ENPEP: variants seen among roughly 807,000 people sequenced by gnomAD.
ENPEP encodes glutamyl aminopeptidase.
ENPEP carries 103 observed loss-of-function variants against 114.5 expected under a neutral mutation model. The ratio of observed to expected loss-of-function variants is 0.90; its 90% CI spans 0.77 to 1.06. ENPEP has a LOEUF of 1.06. Ranked by LOEUF, ENPEP falls within the 50% of genes least tolerant of loss-of-function variation. The pLI is 0.00. For synonymous variants in ENPEP, 420 were observed against 422.0 expected (o/e 1.00, Z 0.06); for missense variants, 1,196 against 1,161.3 (o/e 1.03, Z -0.43).
At position 110,491,083 on chromosome 4, in the gene ENPEP, T is replaced by C. The variant is rs1387999815; in HGVS notation, c.837T>C (p.Ser279=). The change falls in exon 3 of 20, where the codon TCT becomes TCC. Residue 279 remains serine (S), a synonymous_variant. Transcript: ENST00000265162. ...DKWTRTTFEK[S]VPMSTYLVCF... is the part of the protein sequence containing the mutation. ...GGACTCGAACAACTTTTGAGAAGTC[T>C]GTCCCCATGAGCACGTACCTGGTGT... is the stretch of plus-strand genomic sequence containing the variant. 1.8e-5 allele frequency: 29 copies of C among 1,612,686 alleles called. No individual in the cohort carries two copies. Among genetic ancestry groups the C allele is most frequent in the Non-Finnish European group, 4.2e-6 (5 of 1,179,936 alleles).
At chr4:110,498,216 C>T (rs1725016383) in intron 3 of ENPEP, among the ~76,000 whole-genome samples, 1 of 152,028 alleles carries the variant, frequency 6.6e-6, no homozygotes, top group Admixed American at 6.6e-5. Context: ...CCTGTGCCAC[C>T]CAAGTGTGTT....
At chr4:110,507,756 G>A (rs533057196) in intron 4 of ENPEP, among the ~76,000 whole-genome samples, 1 of 152,266 alleles carries the variant, frequency 6.6e-6, no homozygotes, top group East Asian at 1.9e-4. Context: ...CGGGCGGATC[G>A]CTTGAGCCCA....
At chr4:110,560,365 A>T (rs1727637209) in intron 19 of ENPEP, among the ~76,000 whole-genome samples, 1 of 152,242 alleles carries the variant, frequency 6.6e-6, no homozygotes. Flanking sequence ...TCTCAATTCA[A>T]ATCACAGAAG....
At chr4:110,522,716 A>G (rs549333453) in intron 10 of ENPEP, among the ~76,000 whole-genome samples, 1 of 152,360 alleles carries the variant, frequency 6.6e-6, no homozygotes, top group African/African-American at 2.4e-5. Context: ...GAAGCGAATG[A>G]GGCAATGCTT....
intron 11 of ENPEP, among the ~76,000 whole-genome samples, chr4:110,540,001 A>G (rs995169165): frequency 6.6e-6 from 1 of 152,128 alleles, no homozygotes; most frequent in African/African-American, 2.4e-5. Context: ...GCTTTTCTCT[A>G]TCATCTAGGC....
rs1027531987 is a variant in ENPEP at position 110,487,952 on chromosome 4, G to T, written c.645-589G>T. Among the ~76,000 whole-genome samples the T allele has an allele frequency of 1.1e-4, 16 of 152,208 alleles. 1 individual carries two copies. Among genetic ancestry groups the T allele is most frequent in the East Asian group, 3.9e-4 (2 of 5,182 alleles). ...GAGTGAGCTTTAAACTAGGACAAAGGTTACTTCACCTAGGAGATTACTCAG... is the reference window on the plus strand; with the variant it reads ...GAGTGAGCTTTAAACTAGGACAAAGTTTACTTCACCTAGGAGATTACTCAG... On this transcript the variant is annotated intron_variant, in intron 1 of 19. Coordinates refer to ENST00000265162, the MANE Select transcript of ENPEP (RefSeq NM_001977.4).
intron 18 of ENPEP, among the ~76,000 whole-genome samples, chr4:110,557,260 G>C (rs1254438668): frequency 6.6e-6 from 1 of 152,132 alleles, no homozygotes; most frequent in Non-Finnish European, 1.5e-5. Context: ...GATGACTTAC[G>C]GATGATCACA....
chr4:110,537,504 C>A (rs1726681928), intron 11 of ENPEP, among the ~76,000 whole-genome samples: 1 of 152,196 alleles, frequency 6.6e-6, no homozygotes, highest in African/African-American at 2.4e-5. Context: ...ACTTCTAATT[C>A]TAGCTCTCTT....
In ENPEP at chr4:110,506,626, T is replaced by C. The variant is rs1725381633; in HGVS notation, c.919-11T>C. 1.3e-5 allele frequency: 20 copies of C among 1,579,710 alleles called. No individual in the cohort carries two copies. Among genetic ancestry groups the C allele is most frequent in the Non-Finnish European group, 1.7e-5 (20 of 1,165,612 alleles). On this transcript the variant is annotated splice_polypyrimidine_tract_variant and intron_variant, in intron 3 of 19. Coordinates refer to ENST00000265162, the MANE Select transcript of ENPEP (RefSeq NM_001977.4). ...TAATTTTCACTGAATTTTTTGTGTTTTGTTTAATAGCTTACAATTTATGTC... is the reference window on the plus strand; with the variant it reads ...TAATTTTCACTGAATTTTTTGTGTTCTGTTTAATAGCTTACAATTTATGTC...
At chr4:110,515,278 C>A in intron 7 of ENPEP, 99 bp from the exon 8 acceptor site, 2 of 1,000,476 alleles carry the variant, frequency 2.0e-6, no homozygotes. Context: ...ACTAATCTCA[C>A]AAATATGATC....
intron 3 of ENPEP, among the ~76,000 whole-genome samples, chr4:110,493,358 G>A (rs990725319): frequency 6.6e-6 from 1 of 152,108 alleles, no homozygotes; most frequent in Non-Finnish European, 1.5e-5. Flanking sequence ...TTAAATAAGT[G>A]ATGCATTCCA....
chr4:110,476,666 G>C lies in ENPEP; in HGVS notation c.252G>C (p.Glu84Asp). 5 of 1,613,920 alleles carry C rather than the reference G, an allele frequency of 3.1e-6. No individual in the cohort carries two copies. Among genetic ancestry groups the C allele is most frequent in the Non-Finnish European group, 4.2e-6 (5 of 1,180,030 alleles). ...ACATCTGCCCGGCCAGTGAGGATGAGAGCGGACAGTGGAAAAACTTTCGAC... is the reference window on the plus strand; with the variant it reads ...ACATCTGCCCGGCCAGTGAGGATGACAGCGGACAGTGGAAAAACTTTCGAC... ...DQDICPASED[E>D]SGQWKNFRLP... Residue 84 changes from glutamate to aspartate, a missense_variant, in exon 1 of 20, where the codon GAG (glutamate) becomes GAC (aspartate). Coordinates refer to ENST00000265162, the MANE Select transcript of ENPEP (RefSeq NM_001977.4).
chr4:110,532,939 G>A (rs1393673331), intron 11 of ENPEP: 3 of 238,242 alleles, frequency 1.3e-5, no homozygotes, highest in African/African-American at 2.2e-5. Context: ...CAGAGGAAAA[G>A]GGAGAAGACA....
intron 15 of ENPEP, 38 bp downstream of exon 15, chr4:110,549,457 ATTTG>A: frequency 6.2e-7 from 1 of 1,612,394 alleles, no homozygotes; most frequent in South Asian, 1.1e-5. Context: ...TTCATTTAAC[ATTTG>A]TTTTTTGTTT....
intron 11 of ENPEP, among the ~76,000 whole-genome samples, chr4:110,537,085 T>C (rs1053519888): frequency 1.3e-5 from 2 of 152,202 alleles, no homozygotes; most frequent in Admixed American, 6.5e-5. Flanking sequence ...GTTGTAATCT[T>C]TTTTACTGAT....
chr4:110,543,015 A>G lies in ENPEP; in HGVS notation c.1945A>G (p.Thr649Ala). 4.3e-6 allele frequency: 7 copies of G among 1,613,100 alleles called. No individual in the cohort carries two copies. The highest frequency in any genetic ancestry group is 5.9e-6 in the Non-Finnish European group (7 of 1,179,334). The part of the protein sequence containing the change: ...IATALSLNHK[T>A]FSSADRASLI... ...TATCTCTCTTTCTCCCTCTTCCCAG[A>G]CATTTTCTTCAGCAGATCGTGCAAG... The change falls in exon 13 of 20, where the codon ACA becomes GCA. Residue 649 changes from threonine (T) to alanine (A), a missense_variant and splice_region_variant. Coordinates refer to ENST00000265162, the MANE Select transcript of ENPEP (RefSeq NM_001977.4).
At chr4:110,502,314 G>A (rs1409599059) in intron 3 of ENPEP, among the ~76,000 whole-genome samples, 1 of 152,128 alleles carries the variant, frequency 6.6e-6, no homozygotes, top group Non-Finnish European at 1.5e-5. Flanking sequence ...TGGTTTTGTT[G>A]CAGTTTCTTT....
intron 6 of ENPEP, chr4:110,512,938 T>C (rs1463990007): frequency 6.5e-6 from 1 of 153,054 alleles, no homozygotes; most frequent in Non-Finnish European, 1.5e-5. Flanking sequence ...AACTAAAGGA[T>C]AAACTGCCAA....
At chr4:110,534,575 T>C (rs1006792182) in intron 11 of ENPEP, among the ~76,000 whole-genome samples, 3 of 135,772 alleles carry the variant, frequency 2.2e-5, no homozygotes, top group Non-Finnish European at 4.6e-5. Flanking sequence ...TGGAGCGATC[T>C]CAGCTCATTG....
Sources: gnomAD v4.1 joint callset for allele counts (sites outside exome capture counted in the v4.1 genomes callset) on GRCh38, gnomAD v4.1.1 for gene constraint, MANE v1.5 for transcripts, NCBI Gene and HGNC (gene_info 2026-07-23, HGNC 2026-07-21) for gene names.